Variants in RPH3A observed in about 807,000 individuals in gnomAD.
The protein encoded by RPH3A is rabphilin 3A.
RPH3A carries 48 observed loss-of-function variants against 102.2 expected under a neutral mutation model. That is an observed-to-expected ratio of 0.47 (90% confidence interval 0.37 to 0.60). The LOEUF is 0.60. Ranked by LOEUF, RPH3A falls within the 20% of genes least tolerant of loss-of-function variation. The pLI is 0.00. For synonymous variants in RPH3A, 310 were observed against 324.3 expected, an observed-to-expected ratio of 0.96 and a Z score of 0.47; for missense variants, 781 against 910.1, an observed-to-expected ratio of 0.86 and a Z score of 1.83.
chr12:112,657,947 C>T (rs2040024297), intron 1 of RPH3A, among the ~76,000 whole-genome samples: 1 of 151,950 alleles, frequency 6.6e-6, no homozygotes, highest in South Asian at 2.1e-4. Context: ...AGGGAACAGC[C>T]AGTGCAAAGG....
Position 112,887,796 on chromosome 12 carries a change from G to A in RPH3A, c.1437-1G>A. The A allele has an allele frequency of 6.2e-7, 1 of 1,613,236 alleles. No individual in the cohort carries two copies. Among genetic ancestry groups the A allele is most frequent in the Non-Finnish European group, 8.5e-7 (1 of 1,179,450 alleles). On this transcript the variant is annotated splice_acceptor_variant, in intron 16 of 21. Coordinates refer to ENST00000389385, the MANE Select transcript of RPH3A (RefSeq NM_001143854.2). LOFTEE classifies it high-confidence loss of function. ...TCTCTACCCCCTTGTGTTGGTGGCA[G>A]GATCTCCGTCTGTGATGAGGACAAA...
chr12:112,825,274 G>A (rs1314254391), intron 2 of RPH3A, among the ~76,000 whole-genome samples: 1 of 152,198 alleles, frequency 6.6e-6, no homozygotes, highest in Non-Finnish European at 1.5e-5. Context: ...CATGGGAGCA[G>A]ATGAAATAGC....
At chr12:112,671,001 G>A (rs753881125) in intron 1 of RPH3A, among the ~76,000 whole-genome samples, 5 of 152,014 alleles carry the variant, frequency 3.3e-5, no homozygotes, top group Admixed American at 2.6e-4. Flanking sequence ...TCAACCACAG[G>A]GGGGAGATGC....
At chr12:112,801,684 G>A (rs1006652375) in intron 2 of RPH3A, among the ~76,000 whole-genome samples, 1 of 152,122 alleles carries the variant, frequency 6.6e-6, no homozygotes, top group Non-Finnish European at 1.5e-5. Flanking sequence ...GTTAGGGTGC[G>A]AGATGATGAG....
chr12:112,728,083 G>A (rs1297137185), intron 1 of RPH3A, among the ~76,000 whole-genome samples: 2 of 152,172 alleles, frequency 1.3e-5, no homozygotes, highest in Non-Finnish European at 2.9e-5. Flanking sequence ...AGCTTGATGT[G>A]GGTTTTCCTT....
At chr12:112,664,696 A>G (rs1321685420) in intron 1 of RPH3A, among the ~76,000 whole-genome samples, 1 of 152,094 alleles carries the variant, frequency 6.6e-6, no homozygotes, top group Non-Finnish European at 1.5e-5. Context: ...AGGTAGCAAG[A>G]GAGGTCATCC....
chr12:112,628,568 CAAAAAAAAAAAAAAAAAA>C lies in RPH3A; in HGVS notation c.-140+53274_-140+53291del, dbSNP rs771688201. On this transcript the variant is annotated intron_variant, in intron 1 of 21. Transcript: ENST00000543106. Reference sequence around the variant, plus strand: ...AACATTGCAAGGCCTGTCTTTACCACAAAAAAAAAAAAAAAAAAAAAAAAAAAAAAAAAAAAAAAAAAT... The same window carrying C: ...AACATTGCAAGGCCTGTCTTTACCACAAAAAAAAAAAAAAAAAAAAAAAAT... Among the ~76,000 whole-genome samples, 21 of 27,048 alleles carry C rather than the reference CAAAAAAAAAAAAAAAAAA, an allele frequency of 7.8e-4. No individual in the cohort carries two copies. In the South Asian group the frequency reaches 0.022, roughly 28 times the overall value. The allele number at this position is 27,048 out of a possible 152,430, so 17.7% of individuals were successfully genotyped here. A position where few individuals can be genotyped will look rare whatever the true frequency, so the allele number is the denominator to read the frequency against.
chr12:112,844,074 G>A (rs2042191418), intron 4 of RPH3A, among the ~76,000 whole-genome samples: 1 of 152,198 alleles, frequency 6.6e-6, no homozygotes, highest in Non-Finnish European at 1.5e-5. Flanking sequence ...AAGGATATCT[G>A]TCAGGAATGC....
intron 5 of RPH3A, among the ~76,000 whole-genome samples, chr12:112,861,484 G>A (rs114982687): frequency 6.6e-6 from 1 of 152,304 alleles, no homozygotes; most frequent in Admixed American, 6.5e-5. Flanking sequence ...AGGTTGGCCT[G>A]TTCAAGGCGA....
In RPH3A at chr12:112,647,919, C is replaced by T. The variant is rs530516855; in HGVS notation, c.-140+72600C>T. On this transcript the variant is annotated intron_variant, in intron 1 of 21. Coordinates refer to the RPH3A transcript ENST00000543106. ...ATAGTAAATGCTTGATACATGTTAACTGTTATTGTTATTATTCTTGCTACT... is the reference window on the plus strand; with the variant it reads ...ATAGTAAATGCTTGATACATGTTAATTGTTATTGTTATTATTCTTGCTACT... Among the ~76,000 whole-genome samples, 4 of 152,280 alleles carry T rather than the reference C, an allele frequency of 2.6e-5. No homozygotes were observed. In the East Asian group the frequency reaches 5.8e-4, roughly 22 times the overall value.
intron 5 of RPH3A, among the ~76,000 whole-genome samples, chr12:112,862,692 C>T (rs2042540214): frequency 6.6e-6 from 1 of 152,246 alleles, no homozygotes; most frequent in African/African-American, 2.4e-5. Context: ...CAATCTGGGT[C>T]ACAGCGGAGG....
At chr12:112,608,653 G>A (rs975161236) in intron 1 of RPH3A, among the ~76,000 whole-genome samples, 11 of 152,170 alleles carry the variant, frequency 7.2e-5, no homozygotes, top group Non-Finnish European at 1.5e-4. Context: ...CTTGTAAGAC[G>A]CAAGCAGCTG....
chr12:112,605,431 C>T (rs570026523), intron 1 of RPH3A, among the ~76,000 whole-genome samples: 1 of 152,044 alleles, frequency 6.6e-6, no homozygotes, highest in South Asian at 2.1e-4. Context: ...CGAAACCGAA[C>T]AAAACAAAAA....
upstream of RPH3A, among the ~76,000 whole-genome samples, chr12:112,788,596 G>A (rs1451431314): frequency 6.6e-6 from 1 of 152,208 alleles, no homozygotes; most frequent in African/African-American, 2.4e-5. Flanking sequence ...GTGAAGTGTG[G>A]GGATAATCAC....
chr12:112,828,168 TG>T, intron 2 of RPH3A, 132 bp from the exon 3 acceptor site: 1 of 666,432 alleles, frequency 1.5e-6, no homozygotes, highest in Non-Finnish European at 2.6e-6. Context: ...ACTCCCCATC[TG>T]GAAAATGAAG....
chr12:112,647,288 G>A (rs1440643372), intron 1 of RPH3A, among the ~76,000 whole-genome samples: 1 of 152,060 alleles, frequency 6.6e-6, no homozygotes, highest in Non-Finnish European at 1.5e-5. Context: ...CTGTATATTT[G>A]AACCATTGCT....
chr12:112,680,299 A>T (rs1232762597), intron 1 of RPH3A, among the ~76,000 whole-genome samples: 3 of 152,088 alleles, frequency 2.0e-5, no homozygotes, highest in Non-Finnish European at 4.4e-5. Flanking sequence ...CAGGGTGGAA[A>T]ATTTCCTCCT....
Position 112,733,302 on chromosome 12 carries a change from C to T in RPH3A, c.-139-58841C>T, listed in dbSNP as rs7311757. On this transcript the variant is annotated intron_variant, in intron 1 of 21. Transcript: ENST00000543106. ...CTGTGCATATACACCCATACTGGCA[C>T]GCACATATCTGCACACACATACACC... 7.4e-3 allele frequency among the ~76,000 whole-genome samples: 1,127 copies of T among 152,274 alleles called. 17 individuals are homozygous for T. The highest frequency in any genetic ancestry group is 0.026 in the African/African-American group (1,068 of 41,552).
intron 12 of RPH3A, 92 bp from the exon 13 acceptor site, chr12:112,876,550 C>T: frequency 1.1e-6 from 1 of 914,672 alleles, no homozygotes; most frequent in Non-Finnish European, 1.6e-6. Flanking sequence ...CCGGGTGAAG[C>T]CAGGAATCCG....
Sources: allele counts gnomAD v4.1 joint callset (sites outside exome capture counted in the v4.1 genomes callset), GRCh38; gene constraint gnomAD v4.1.1; transcripts MANE v1.5; gene names NCBI Gene and HGNC (gene_info 2026-07-23, HGNC 2026-07-21).